SASH1: variants seen among roughly 807,000 people sequenced by gnomAD.
The protein encoded by SASH1 is SAM and SH3 domain containing 1.
SASH1 carries 44 observed loss-of-function variants against 125.2 expected under a neutral mutation model. The observed-to-expected ratio is 0.35, with a 90% CI of 0.28 to 0.45. SASH1 has a LOEUF of 0.45. Ranked by LOEUF, SASH1 falls within the 20% of genes least tolerant of loss-of-function variation. The pLI is 1.00. For missense variants in SASH1, 1,426 were observed against 1,614.5 expected, an observed-to-expected ratio of 0.88 and a Z score of 2.00; for synonymous variants, 639 against 649.1, an observed-to-expected ratio of 0.98 and a Z score of 0.24.
chr6:148,406,404 C>T (rs1784375680), intron 2 of SASH1, among the ~76,000 whole-genome samples: 1 of 152,112 alleles, frequency 6.6e-6, no homozygotes, highest in Non-Finnish European at 1.5e-5. Context: ...TAATCTGTTG[C>T]ATTATGTGAA....
At chr6:148,228,167 T>C in the SASH1 span, among the ~76,000 whole-genome samples, 1 of 152,234 alleles carries the variant, frequency 6.6e-6, no homozygotes, top group East Asian at 1.9e-4. Context: ...AGTTACCTAC[T>C]CCAGCAGGGT....
At chr6:148,499,057 GTTTT>G (rs4052628) in intron 8 of SASH1, among the ~76,000 whole-genome samples, 1 of 127,092 alleles carries the variant, frequency 7.9e-6, no homozygotes, top group Non-Finnish European at 1.7e-5. Flanking sequence ...TCTTTTTTTT[GTTTT>G]TTTTTTTTTT....
At chr6:148,545,885 G>C in intron 18 of SASH1, 130 bp from the exon 19 acceptor site, 1 of 847,242 alleles carries the variant, frequency 1.2e-6, no homozygotes, top group Non-Finnish European at 1.7e-6. Context: ...AGGCTGCAGT[G>C]AGCCATGATC....
rs35487674 is a variant in SASH1 at position 148,471,386 on chromosome 6, CTTTTTTTTTTTT to C, written c.428-15_428-4del. 301 of 503,540 alleles carry C rather than the reference CTTTTTTTTTTTT, an allele frequency of 6.0e-4. No homozygotes were observed. Among genetic ancestry groups the C allele is most frequent in the South Asian group, 1.3e-3 (37 of 28,320 alleles). 31.2% of individuals were successfully genotyped at this position (503,540 alleles called of 1,614,324 possible). A position where few individuals can be genotyped will look rare whatever the true frequency, so the allele number is the denominator to read the frequency against. On this transcript the variant is annotated intron_variant, in intron 5 of 19. Coordinates refer to ENST00000367467, the MANE Select transcript of SASH1 (RefSeq NM_015278.5). The stretch of plus-strand genomic sequence containing the variant: ...GAATTTATTGCTTGTGCTTTTTGTT[CTTTTTTTTTTTT>C]TTTTTTTTTTTTTTTAAGGAAAAGG...
At chr6:148,327,778 TA>T (rs1396639413) in intron 1 of SASH1, among the ~76,000 whole-genome samples, 5 of 149,814 alleles carry the variant, frequency 3.3e-5, no homozygotes, top group African/African-American at 7.3e-5. Context: ...CCGTCTCTAC[TA>T]AAAATACAAA....
At chr6:148,505,455 A>G (rs55640337) in intron 8 of SASH1, among the ~76,000 whole-genome samples, 9 of 152,190 alleles carry the variant, frequency 5.9e-5, no homozygotes, top group African/African-American at 9.6e-5. Context: ...CTGGGATTAC[A>G]GATGTGCACT....
the SASH1 span, among the ~76,000 whole-genome samples, chr6:148,208,599 G>A: frequency 9.9e-5 from 15 of 152,228 alleles, no homozygotes; most frequent in African/African-American, 1.7e-4. Flanking sequence ...TTTCTGTTGC[G>A]TCTCACTTGA....
chr6:148,204,507 T>G, the SASH1 span, among the ~76,000 whole-genome samples: 2 of 151,980 alleles, frequency 1.3e-5, no homozygotes, highest in African/African-American at 4.8e-5. Flanking sequence ...GCCTGGCCAA[T>G]GTAGTGAAAC....
intron 8 of SASH1, among the ~76,000 whole-genome samples, chr6:148,498,548 G>C (rs1779418960): frequency 6.6e-6 from 1 of 152,110 alleles, no homozygotes; most frequent in Admixed American, 6.5e-5. Flanking sequence ...AATTTGGTCT[G>C]TTTCTTTCAT....
intron 1 of SASH1, among the ~76,000 whole-genome samples, chr6:148,314,743 C>G (rs1268091762): frequency 6.7e-6 from 1 of 149,562 alleles, no homozygotes; most frequent in Non-Finnish European, 1.5e-5. Flanking sequence ...AGTTTCAAGT[C>G]TATTAATGAA....
chr6:148,291,409 A>G (rs1185025835), intron 1 of SASH1, among the ~76,000 whole-genome samples: 1 of 152,180 alleles, frequency 6.6e-6, no homozygotes, highest in Non-Finnish European at 1.5e-5. Flanking sequence ...GGCTAGTCAC[A>G]GTGGCTCATG....
rs539613331 is a variant in SASH1, at chr6:148,377,179, A to C, written c.157-12955A>C. On this transcript the variant is annotated intron_variant, in intron 1 of 19. Transcript: ENST00000367467. ...AGCGAGACTCCGTCTCAAAAAAAAA[A>C]AAAACAAAAAAAAAACAAAAAAAAA... Among the ~76,000 whole-genome samples, 415 of 63,912 alleles carry C rather than the reference A, an allele frequency of 6.5e-3. 6 individuals carry two copies. The highest frequency in any genetic ancestry group is 0.023 in the African/African-American group (395 of 16,838). The allele number at this position is 63,912 out of a possible 152,430, so 41.9% of individuals were successfully genotyped here.
chr6:148,279,818 C>G (rs2128505172), intron 1 of SASH1, among the ~76,000 whole-genome samples: 1 of 152,048 alleles, frequency 6.6e-6, no homozygotes, highest in Non-Finnish European at 1.5e-5. Flanking sequence ...GAAACCCCGT[C>G]TCTACTAAAA....
rs538062288 is a variant in SASH1, at chr6:148,461,530, G to A, written c.387-7015G>A. 1.2e-4 allele frequency among the ~76,000 whole-genome samples: 18 copies of A among 152,288 alleles called. No homozygotes were observed. In the East Asian group the frequency reaches 3.5e-3, roughly 29 times the overall value. ...AATCATGGGGCCAAGCAAGAGAGGT[G>A]CATAGGGCATGGAATTTAAGGAGGC... On this transcript the variant is annotated intron_variant, in intron 4 of 19. Coordinates refer to ENST00000367467, the MANE Select transcript of SASH1 (RefSeq NM_015278.5).
At chr6:148,250,587 A>C in the SASH1 span, among the ~76,000 whole-genome samples, 2 of 151,726 alleles carry the variant, frequency 1.3e-5, no homozygotes, top group Non-Finnish European at 2.9e-5. Context: ...AAAAAAAAAA[A>C]AACTGTATTT....
At chr6:148,510,192 G>A (rs1285029751) in intron 8 of SASH1, among the ~76,000 whole-genome samples, 1 of 152,316 alleles carries the variant, frequency 6.6e-6, no homozygotes, top group East Asian at 1.9e-4. Context: ...GTAATTAAAA[G>A]TTGAGCCATA....
At chr6:148,286,049 T>G (rs1286227604) in intron 1 of SASH1, among the ~76,000 whole-genome samples, 1 of 152,160 alleles carries the variant, frequency 6.6e-6, no homozygotes, top group East Asian at 1.9e-4. Flanking sequence ...CTCTAAAGAA[T>G]GTACCTTTCT....
At chr6:148,311,964 A>T (rs1188509888) in intron 1 of SASH1, among the ~76,000 whole-genome samples, 1 of 152,250 alleles carries the variant, frequency 6.6e-6, no homozygotes. Flanking sequence ...AGCAATAAAA[A>T]GCAAGAAACT....
chr6:148,531,707 T>TCTGA, intron 13 of SASH1, 46 bp downstream of exon 13: 1 of 1,456,080 alleles, frequency 6.9e-7, no homozygotes, highest in African/African-American at 1.4e-5. Flanking sequence ...GGAGTTAATA[T>TCTGA]CTGACATATA....
Sources: gnomAD v4.1 joint callset for allele counts (sites outside exome capture counted in the v4.1 genomes callset) on GRCh38, gnomAD v4.1.1 for gene constraint, MANE v1.5 for transcripts, NCBI Gene and HGNC (gene_info 2026-07-23, HGNC 2026-07-21) for gene names.